The following ATP9B variants were observed in gnomAD, a reference collection of about 807,000 sequenced individuals.
ATP9B encodes the protein probable phospholipid-transporting ATPase IIB.
Under a neutral mutation model 146.1 loss-of-function variants are expected in ATP9B, and 110 were observed. That is an observed-to-expected ratio of 0.75 (90% CI 0.65 to 0.88). The LOEUF (loss-of-function observed/expected upper bound fraction) is 0.88. Ranked by LOEUF, ATP9B falls within the 40% of genes least tolerant of loss-of-function variation. The probability of loss-of-function intolerance (pLI) is 0.00; values close to 1 mark genes in which losing one functional copy is unlikely to be tolerated. For missense variants in ATP9B, 1,499 were observed against 1,496.4 expected (o/e 1.00, Z -0.03); for synonymous variants, 604 against 569.7 (o/e 1.06, Z -0.86).
intron 1 of ATP9B, among the ~76,000 whole-genome samples, chr18:79,070,518 C>G (rs1225989806): frequency 6.6e-6 from 1 of 152,158 alleles, no homozygotes; most frequent in Non-Finnish European, 1.5e-5. Context: ...TGTAAGGTGC[C>G]CTTTTTTCAG....
chr18:79,188,030 C>A (rs890209387), intron 8 of ATP9B, among the ~76,000 whole-genome samples: 1 of 151,970 alleles, frequency 6.6e-6, no homozygotes, highest in African/African-American at 2.4e-5. Flanking sequence ...AACATGAGGA[C>A]GCCCTTTAGC....
rs375949028 is a variant in ATP9B, at chr18:79,377,430, C to T, written c.*47C>T. 3.8e-6 allele frequency: 6 copies of T among 1,593,444 alleles called. No homozygotes were observed. In the East Asian group the frequency reaches 6.7e-5, roughly 18 times the overall value. ...GCTGGCCCCAGCACCTTCTGCCCTT[C>T]CCAGCACCTTGTGCCCTTGCCAGTG... On this transcript the variant is annotated 3_prime_UTR_variant, in exon 30 of 30. Coordinates refer to ENST00000426216, the MANE Select transcript of ATP9B (RefSeq NM_198531.5).
intron 12 of ATP9B, among the ~76,000 whole-genome samples, chr18:79,273,594 G>A (rs548331854): frequency 6.6e-6 from 1 of 152,346 alleles, no homozygotes; most frequent in South Asian, 2.1e-4. Context: ...CATTCCCTGA[G>A]GAGAATCTCG....
At chr18:79,315,258 C>T (rs942650741) in intron 15 of ATP9B, among the ~76,000 whole-genome samples, 4 of 152,128 alleles carry the variant, frequency 2.6e-5, no homozygotes, top group Non-Finnish European at 4.4e-5. Context: ...TTCATTTTAT[C>T]GTGTGTGCCT....
intron 7 of ATP9B, among the ~76,000 whole-genome samples, chr18:79,163,227 TACTTA>T (rs778606971): frequency 7.2e-5 from 11 of 152,220 alleles, no homozygotes; most frequent in African/African-American, 2.2e-4. Flanking sequence ...TTTTTAACTG[TACTTA>T]ACTTGAGTAA....
chr18:79,299,488 G>A (rs2096575545), intron 13 of ATP9B, among the ~76,000 whole-genome samples: 1 of 152,112 alleles, frequency 6.6e-6, no homozygotes, highest in Admixed American at 6.6e-5. Flanking sequence ...AGCAGTCCCT[G>A]CCCCCTCTCT....
At chr18:79,085,228 T>C (rs146343905) in intron 1 of ATP9B, 3 of 152,264 alleles carry the variant, frequency 2.0e-5, no homozygotes, top group South Asian at 2.1e-4. Context: ...AACACACTTA[T>C]CAATCACCAT....
rs746979574 is a variant in ATP9B, at chr18:79,128,347, G to A, written c.667+1972G>A. Among the ~76,000 whole-genome samples, 4 of 152,182 alleles carry A rather than the reference G, an allele frequency of 2.6e-5. No homozygotes were observed. The East Asian group carries it at 5.8e-4, about 22-fold the overall frequency. On this transcript the variant is annotated intron_variant, in intron 5 of 29. Coordinates refer to ENST00000426216, the MANE Select transcript of ATP9B (RefSeq NM_198531.5). ...TGCTGGGATTACAGGCGTGAGCCAC[G>A]CCCATCCCTTTTGCCAACTTTTTAA...
intron 1 of ATP9B, among the ~76,000 whole-genome samples, chr18:79,069,804 G>A (rs1241597855): frequency 6.6e-6 from 1 of 152,260 alleles, no homozygotes; most frequent in Admixed American, 6.5e-5. Flanking sequence ...GCGGTCCAGT[G>A]TTGAGGGGTG....
At chr18:79,208,109 G>C (rs1486787625) in intron 10 of ATP9B, among the ~76,000 whole-genome samples, 1 of 152,168 alleles carries the variant, frequency 6.6e-6, no homozygotes, top group Non-Finnish European at 1.5e-5. Flanking sequence ...GCCGGGCGTG[G>C]TGGCGGGCGC....
intron 8 of ATP9B, among the ~76,000 whole-genome samples, chr18:79,184,165 C>T (rs2095281313): frequency 6.6e-6 from 1 of 152,148 alleles, no homozygotes; most frequent in Non-Finnish European, 1.5e-5. Context: ...ATTTTAACCA[C>T]TTTTAAATGT....
At chr18:79,075,221 C>A (rs546740451) in intron 1 of ATP9B, among the ~76,000 whole-genome samples, 3 of 152,144 alleles carry the variant, frequency 2.0e-5, no homozygotes, top group Non-Finnish European at 4.4e-5. Context: ...GGACTACAGG[C>A]GCTCACTACA....
intron 4 of ATP9B, chr18:79,117,876 G>C (rs1328669180): frequency 6.6e-6 from 1 of 151,990 alleles, no homozygotes; most frequent in Non-Finnish European, 1.5e-5. Flanking sequence ...TCTCTTAATA[G>C]TTTTACTGTG....
chr18:79,202,987 A>G (rs1320459869), intron 9 of ATP9B, among the ~76,000 whole-genome samples: 1 of 152,266 alleles, frequency 6.6e-6, no homozygotes, highest in Non-Finnish European at 1.5e-5. Flanking sequence ...TAGTACTAAA[A>G]GATTGACATG....
intron 11 of ATP9B, among the ~76,000 whole-genome samples, chr18:79,230,258 T>A (rs1433553362): frequency 6.6e-6 from 1 of 152,132 alleles, no homozygotes; most frequent in East Asian, 1.9e-4. Flanking sequence ...TCCGGATTGG[T>A]AAAGAGGAAG....
intron 7 of ATP9B, chr18:79,173,693 C>T (rs2095115249): frequency 6.6e-6 from 3 of 455,918 alleles, no homozygotes; most frequent in Non-Finnish European, 1.3e-5. Flanking sequence ...GTTTCTGTTC[C>T]TTCTTCAGTA....
intron 9 of ATP9B, among the ~76,000 whole-genome samples, chr18:79,201,189 GT>G (rs977506737): frequency 1.1e-4 from 16 of 152,066 alleles, no homozygotes; most frequent in South Asian, 6.2e-4. Flanking sequence ...TTTTCTAACA[GT>G]TTTTTTCTCA....
intron 8 of ATP9B, among the ~76,000 whole-genome samples, chr18:79,186,505 T>C (rs977719081): frequency 6.6e-6 from 1 of 152,148 alleles, no homozygotes; most frequent in Admixed American, 6.5e-5. Context: ...TTTATTTTCA[T>C]GTATCAAAAA....
At chr18:79,256,286 T>TATACACAC (rs398033647) in intron 12 of ATP9B, among the ~76,000 whole-genome samples, 17 of 123,068 alleles carry the variant, frequency 1.4e-4, no homozygotes, top group African/African-American at 5.5e-4. Context: ...TATATATATA[T>TATACACAC]ACATACATAG....
Sources: allele counts gnomAD v4.1 joint callset (sites outside exome capture counted in the v4.1 genomes callset), GRCh38; gene constraint gnomAD v4.1.1; transcripts MANE v1.5; gene names NCBI Gene and HGNC (gene_info 2026-07-23, HGNC 2026-07-21).